ERBB4: variants seen among roughly 807,000 people sequenced by gnomAD.
The protein encoded by ERBB4 is receptor tyrosine-protein kinase erbB-4.
In ERBB4, 42 loss-of-function variants were observed where a neutral mutation model predicts 158.0. The ratio of observed to expected loss-of-function variants is 0.27; its 90% CI spans 0.21 to 0.34. ERBB4 has a LOEUF of 0.34. Ranked by LOEUF, ERBB4 falls within the 10% of genes least tolerant of loss-of-function variation. ERBB4 has a pLI of 1.00. For missense variants in ERBB4, 1,333 were observed against 1,624.1 expected, an observed-to-expected ratio of 0.82 and a Z score of 3.08; for synonymous variants, 583 against 558.7, an observed-to-expected ratio of 1.04 and a Z score of -0.61.
chr2:211,916,030 A>G (rs2079679776), intron 3 of ERBB4, among the ~76,000 whole-genome samples: 2 of 151,936 alleles, frequency 1.3e-5, no homozygotes, highest in African/African-American at 4.8e-5. Context: ...CTATGATTCT[A>G]TGTATTCAAC....
intron 4 of ERBB4, among the ~76,000 whole-genome samples, chr2:211,765,009 G>C (rs969244659): frequency 6.6e-6 from 1 of 152,096 alleles, no homozygotes; most frequent in Non-Finnish European, 1.5e-5. Context: ...ATAAATGAGC[G>C]GTTTAGTCAA....
At chr2:211,911,340 C>T (rs761251120) in intron 3 of ERBB4, among the ~76,000 whole-genome samples, 2 of 152,074 alleles carry the variant, frequency 1.3e-5, no homozygotes, top group South Asian at 2.1e-4. Flanking sequence ...GATCATAGAT[C>T]ACTGCATCCT....
chr2:211,427,430 T>TA (rs2063654057), intron 22 of ERBB4, among the ~76,000 whole-genome samples: 1 of 152,172 alleles, frequency 6.6e-6, no homozygotes, highest in Non-Finnish European at 1.5e-5. Flanking sequence ...ACTTAAATTT[T>TA]AAGTAGCCAG....
intron 12 of ERBB4, among the ~76,000 whole-genome samples, chr2:211,689,886 G>C (rs2072728686): frequency 6.6e-6 from 1 of 151,736 alleles, no homozygotes; most frequent in South Asian, 2.1e-4. Flanking sequence ...GTAGAGAATG[G>C]TTAAAATTAT....
intron 1 of ERBB4, among the ~76,000 whole-genome samples, chr2:212,415,098 A>G (rs946476770): frequency 1.3e-5 from 2 of 152,178 alleles, no homozygotes; most frequent in Non-Finnish European, 2.9e-5. Flanking sequence ...TCATAATCTC[A>G]TTGCAGTAGG....
chr2:211,635,853 T>G (rs1204764752), intron 16 of ERBB4, among the ~76,000 whole-genome samples: 6 of 152,086 alleles, frequency 3.9e-5, no homozygotes, highest in Non-Finnish European at 8.8e-5. Context: ...TTTGAATATA[T>G]GTGTATTTTC....
In ERBB4 at chr2:212,325,902, T is replaced by C. The variant is rs527646294; in HGVS notation, c.83-200999A>G. Among the ~76,000 whole-genome samples, 4 of 150,728 alleles carry C rather than the reference T, an allele frequency of 2.7e-5. No homozygotes were observed. The East Asian group carries it at 7.8e-4, about 29-fold the overall frequency. On this transcript the variant is annotated intron_variant, in intron 1 of 27. Transcript: ENST00000342788. ...TTTTCCAAATGAAATTGTTTGCTCA[T>C]AATTTTATCGGTCTAAGTATTTGGC...
intron 5 of ERBB4, among the ~76,000 whole-genome samples, chr2:211,738,212 A>G (rs1479388031): frequency 6.6e-6 from 1 of 152,100 alleles, no homozygotes; most frequent in Non-Finnish European, 1.5e-5. Flanking sequence ...TTTAATTTAT[A>G]AAGTTGTATG....
intron 19 of ERBB4, among the ~76,000 whole-genome samples, chr2:211,599,511 T>TTGTGTGTGTGTGTGTGTG (rs201810389): frequency 3.8e-3 from 79 of 20,842 alleles, no homozygotes; most frequent in African/African-American, 4.7e-3. Flanking sequence ...AAATAATTTC[T>TTGTGTGTGTGTGTGTGTG]TCTGTGTGTG....
At chr2:211,755,608 T>C (rs1241394416) in intron 4 of ERBB4, among the ~76,000 whole-genome samples, 1 of 152,248 alleles carries the variant, frequency 6.6e-6, no homozygotes, top group African/African-American at 2.4e-5. Context: ...CACAATGCAT[T>C]ATTCATCATG....
chr2:211,433,668 T>C (rs1261084977), intron 20 of ERBB4, among the ~76,000 whole-genome samples: 4 of 152,160 alleles, frequency 2.6e-5, no homozygotes, highest in Admixed American at 1.3e-4. Context: ...AGAGAATGGA[T>C]TGGACATCAA....
chr2:212,501,225 G>A (rs1368888244), intron 1 of ERBB4, among the ~76,000 whole-genome samples: 1 of 152,100 alleles, frequency 6.6e-6, no homozygotes, highest in Non-Finnish European at 1.5e-5. Flanking sequence ...CTGGTCACAG[G>A]CAATCCTAGC....
intron 1 of ERBB4, among the ~76,000 whole-genome samples, chr2:212,476,763 T>C (rs968865507): frequency 2.6e-5 from 4 of 152,160 alleles, no homozygotes; most frequent in African/African-American, 9.6e-5. Flanking sequence ...CTGGGATCCA[T>C]AAAAATATTT....
chr2:211,755,338 C>A (rs12987993), intron 4 of ERBB4, among the ~76,000 whole-genome samples: 47,002 of 151,730 alleles, frequency 0.31, 7,393 homozygotes, highest in South Asian at 0.44. Context: ...CCGGCCTCTA[C>A]AAAAAATGCA....
chr2:212,282,116 AC>A (rs2085780848), intron 1 of ERBB4, among the ~76,000 whole-genome samples: 1 of 151,894 alleles, frequency 6.6e-6, no homozygotes, highest in Non-Finnish European at 1.5e-5. Flanking sequence ...TCTGATGGTC[AC>A]TAAATAACAA....
At chr2:212,277,928 C>T (rs922078958) in intron 1 of ERBB4, among the ~76,000 whole-genome samples, 1 of 151,362 alleles carries the variant, frequency 6.6e-6, no homozygotes, top group East Asian at 1.9e-4. Flanking sequence ...TAAACCATTG[C>T]AATATCAGTA....
intron 4 of ERBB4, among the ~76,000 whole-genome samples, chr2:211,767,537 G>T (rs1209917791): frequency 6.6e-6 from 1 of 152,190 alleles, no homozygotes. Flanking sequence ...ATAAAGAAAA[G>T]AGATTTAATT....
chr2:212,143,261 G>A (rs2080545928), intron 1 of ERBB4, among the ~76,000 whole-genome samples: 1 of 152,062 alleles, frequency 6.6e-6, no homozygotes, highest in Non-Finnish European at 1.5e-5. Flanking sequence ...CACACCTGGA[G>A]TTGCACCTAA....
At chr2:211,502,442 C>A (rs1178649171) in intron 20 of ERBB4, among the ~76,000 whole-genome samples, 1 of 152,120 alleles carries the variant, frequency 6.6e-6, no homozygotes, top group Non-Finnish European at 1.5e-5. Flanking sequence ...AGATTATAAA[C>A]ATTCAATTAC....
Sources: gnomAD v4.1 joint callset for allele counts (sites outside exome capture counted in the v4.1 genomes callset) on GRCh38, gnomAD v4.1.1 for gene constraint, MANE v1.5 for transcripts, NCBI Gene and HGNC (gene_info 2026-07-23, HGNC 2026-07-21) for gene names.